Variants in P3H2 observed in about 807,000 individuals in gnomAD.
P3H2 encodes leprecan-like 1.
P3H2 carries 80 observed loss-of-function variants against 87.0 expected under a neutral mutation model. The ratio of observed to expected loss-of-function variants is 0.92; its 90% CI spans 0.77 to 1.11. The LOEUF (loss-of-function observed/expected upper bound fraction) is 1.11. Ranked by LOEUF, P3H2 falls within the 50% of genes least tolerant of loss-of-function variation. The probability of loss-of-function intolerance (pLI) is 0.00; values close to 1 mark genes in which losing one functional copy is unlikely to be tolerated. For missense variants in P3H2, 1,001 were observed against 923.9 expected, an observed-to-expected ratio of 1.08 and a Z score of -1.08; for synonymous variants, 367 against 359.3, an observed-to-expected ratio of 1.02 and a Z score of -0.24.
intron 10 of P3H2, 37 bp downstream of exon 10, chr3:189,973,872 C>G: frequency 6.7e-7 from 1 of 1,490,750 alleles, no homozygotes; most frequent in South Asian, 1.1e-5. Context: ...TAGGCTGACA[C>G]TAAGGAACTC....
chr3:190,104,503 C>A (rs766410985), intron 1 of P3H2, among the ~76,000 whole-genome samples: 54 of 152,172 alleles, frequency 3.5e-4, no homozygotes, highest in Admixed American at 1.8e-3. Flanking sequence ...CTTTAAATTT[C>A]TTTAACAGTA....
chr3:190,037,895 G>C (rs1457409880), intron 1 of P3H2, among the ~76,000 whole-genome samples: 2 of 114,086 alleles, frequency 1.8e-5, no homozygotes, highest in Admixed American at 1.0e-4. Context: ...ATATCGATAA[G>C]CCATCACCAA....
At chr3:190,050,128 T>A (rs1174508602) in intron 1 of P3H2, among the ~76,000 whole-genome samples, 1 of 152,182 alleles carries the variant, frequency 6.6e-6, no homozygotes, top group Non-Finnish European at 1.5e-5. Flanking sequence ...ATTTTCCCCA[T>A]GTGAACAAAA....
intron 1 of P3H2, among the ~76,000 whole-genome samples, chr3:190,087,046 G>A (rs1317366305): frequency 6.6e-6 from 1 of 152,120 alleles, no homozygotes; most frequent in Admixed American, 6.5e-5. Flanking sequence ...GAAAATCCAT[G>A]CTATTTTCTC....
intron 14 of P3H2, 57 bp from the exon 15 acceptor site, chr3:189,958,061 G>A: frequency 1.5e-6 from 2 of 1,301,692 alleles, no homozygotes; most frequent in South Asian, 2.4e-5. Context: ...AGTCTCATCA[G>A]CAGACGCTTC....
intron 1 of P3H2, among the ~76,000 whole-genome samples, chr3:190,017,193 G>C (rs1300213989): frequency 6.6e-6 from 1 of 152,014 alleles, no homozygotes; most frequent in African/African-American, 2.4e-5. Context: ...ATATCCTGAA[G>C]AATTTTGTTC....
At chr3:189,975,251 C>T (rs78953809) in intron 8 of P3H2, among the ~76,000 whole-genome samples, 234 of 152,332 alleles carry the variant, frequency 1.5e-3, no homozygotes, top group Non-Finnish European at 2.9e-3. Flanking sequence ...CAGGCAAAAT[C>T]ATCACGTTTC....
chr3:189,994,158 C>T lies in P3H2; in HGVS notation c.759G>A (p.Gly253=). 1 of 1,613,582 alleles carries T rather than the reference C, an allele frequency of 6.2e-7. No homozygotes were observed. Among genetic ancestry groups the T allele is most frequent in the Non-Finnish European group, 8.5e-7 (1 of 1,179,720 alleles). Reference sequence around the variant, plus strand: ...ACTCATATTCTTCAAATCTCTGAGGCCCCTCACATAGGGTCCGGCATTCTG... The same window carrying T: ...ACTCATATTCTTCAAATCTCTGAGGTCCCTCACATAGGGTCCGGCATTCTG... ...EDTECRTLCE[G]PQRFEEYEYL... The change falls in exon 3 of 15, where the codon GGG becomes GGA. Residue 253 remains glycine, a synonymous_variant. Transcript: ENST00000319332.
At chr3:190,022,861 CTT>C (rs957403239) in intron 1 of P3H2, among the ~76,000 whole-genome samples, 3 of 152,060 alleles carry the variant, frequency 2.0e-5, no homozygotes, top group South Asian at 2.1e-4. Context: ...GAGTCTCACT[CTT>C]TTGCCCAGGC....
At chr3:190,031,436 G>C (rs905313060) in intron 1 of P3H2, among the ~76,000 whole-genome samples, 1 of 55,768 alleles carries the variant, frequency 1.8e-5, no homozygotes, top group Non-Finnish European at 3.7e-5. Context: ...TCAGGAGTTC[G>C]AGACGAGTCT....
At chr3:190,114,187 TTA>T (rs1324666259) in intron 1 of P3H2, among the ~76,000 whole-genome samples, 2 of 130,644 alleles carry the variant, frequency 1.5e-5, no homozygotes, top group Non-Finnish European at 1.6e-5. Context: ...ATTATTATTA[TTA>T]TTTTTTTTTT....
rs771362645 is a variant in P3H2 at position 189,994,103 on chromosome 3, C to T, written c.814G>A (p.Ala272Thr). 4 of 1,611,258 alleles carry T rather than the reference C, an allele frequency of 2.5e-6. No homozygotes were observed. In the Admixed American group the frequency reaches 6.7e-5, roughly 27 times the overall value. ...YLGYKAGLYE[A>T]IADHYMQVLV... ...AAAATTAAGCTTTTACCTGCAATAG[C>T]TTCATACAGACCAGCCTTATACCCT... Residue 272 changes from alanine to threonine, a missense_variant, in exon 3 of 15, where the codon GCT (alanine) becomes ACT (threonine). Physicochemically the swap from Ala to Thr is moderately conservative, Grantham distance 58 (BLOSUM62 0). Transcript: ENST00000319332.
intron 1 of P3H2, among the ~76,000 whole-genome samples, chr3:190,097,894 T>C (rs549337497): frequency 6.6e-6 from 1 of 152,160 alleles, no homozygotes; most frequent in South Asian, 2.1e-4. Context: ...AAACCCTACA[T>C]ATGCTCTCTG....
In P3H2 at chr3:189,983,079, G is replaced by A. The variant is rs1277596327; in HGVS notation, c.1291C>T (p.Leu431=). Residue 431 remains leucine, a synonymous_variant, in exon 8 of 15, where the codon CTA becomes TTA. Transcript: ENST00000319332. The stretch of plus-strand genomic sequence containing the variant: ...AGGTCTCGATCTATCTTGGGTGATA[G>A]CTTTTTTCCCATTGAGAATCCATGA... ...EVHGFSMGKK[L]SPKIDRDLRE... 1 of 1,613,688 alleles carries A rather than the reference G, an allele frequency of 6.2e-7. No individual in the cohort carries two copies. Among genetic ancestry groups the A allele is most frequent in the Non-Finnish European group, 8.5e-7 (1 of 1,179,800 alleles).
intron 1 of P3H2, among the ~76,000 whole-genome samples, chr3:190,062,359 C>T (rs998887388): frequency 2.6e-5 from 4 of 152,130 alleles, no homozygotes; most frequent in African/African-American, 9.7e-5. Flanking sequence ...CATCACAATC[C>T]TTGATGCAAG....
chr3:189,965,196 G>A (rs1280804959), intron 13 of P3H2, among the ~76,000 whole-genome samples: 1 of 152,196 alleles, frequency 6.6e-6, no homozygotes, highest in Non-Finnish European at 1.5e-5. Flanking sequence ...TGAGCTGGCT[G>A]GTTTTTCACT....
intron 1 of P3H2, among the ~76,000 whole-genome samples, chr3:190,111,500 A>C (rs1281600656): frequency 3.3e-5 from 5 of 152,164 alleles, no homozygotes; most frequent in Admixed American, 1.3e-4. Context: ...AGCTGCAGAA[A>C]GATAGGGTGG....
chr3:190,033,459 C>T (rs1456763141), intron 1 of P3H2, among the ~76,000 whole-genome samples: 1 of 152,160 alleles, frequency 6.6e-6, no homozygotes, highest in Non-Finnish European at 1.5e-5. Context: ...TTTTCTCATA[C>T]TCCTTGAGAG....
intron 1 of P3H2, among the ~76,000 whole-genome samples, chr3:189,999,901 A>G (rs544588350): frequency 7.9e-5 from 12 of 152,318 alleles, no homozygotes; most frequent in African/African-American, 2.6e-4. Context: ...GCCCAGAAGC[A>G]TGACTACGTG....
Sources: gnomAD v4.1 joint callset for allele counts (sites outside exome capture counted in the v4.1 genomes callset) on GRCh38, gnomAD v4.1.1 for gene constraint, MANE v1.5 for transcripts, NCBI Gene and HGNC (gene_info 2026-07-23, HGNC 2026-07-21) for gene names.